The following CNTNAP2 variants were observed in gnomAD, a reference collection of about 807,000 sequenced individuals.
CNTNAP2 encodes contactin-associated protein-like 2.
Under a neutral mutation model 155.2 loss-of-function variants are expected in CNTNAP2, and 98 were observed. The ratio of observed to expected loss-of-function variants is 0.63; its 90% CI spans 0.54 to 0.75. The LOEUF (loss-of-function observed/expected upper bound fraction) is 0.75. Ranked by LOEUF, CNTNAP2 falls within the 30% of genes least tolerant of loss-of-function variation. The pLI, the probability that CNTNAP2 is intolerant of heterozygous loss-of-function variation, is 0.00. For missense variants in CNTNAP2, 1,727 were observed against 1,688.1 expected (o/e 1.02, Z -0.40); for synonymous variants, 651 against 631.2 (o/e 1.03, Z -0.47).
At chr7:147,488,190 A>C (rs1324817616) in intron 11 of CNTNAP2, among the ~76,000 whole-genome samples, 3 of 152,226 alleles carry the variant, frequency 2.0e-5, no homozygotes, top group Admixed American at 6.5e-5. Context: ...AGAAGATACA[A>C]TGTATGCCAT....
intron 14 of CNTNAP2, among the ~76,000 whole-genome samples, chr7:147,969,285 A>G (rs1801288134): frequency 6.6e-6 from 1 of 152,120 alleles, no homozygotes; most frequent in Non-Finnish European, 1.5e-5. Context: ...TCCTGAGCTC[A>G]AGTGATCCTC....
At chr7:147,996,928 G>A (rs778144512) in intron 15 of CNTNAP2, among the ~76,000 whole-genome samples, 2 of 152,148 alleles carry the variant, frequency 1.3e-5, no homozygotes, top group Non-Finnish European at 2.9e-5. Flanking sequence ...ATCAGGAGGT[G>A]GGGCTCTGGG....
intron 1 of CNTNAP2, among the ~76,000 whole-genome samples, chr7:146,526,545 A>G (rs893082895): frequency 3.9e-5 from 6 of 152,118 alleles, no homozygotes; most frequent in Non-Finnish European, 7.4e-5. Context: ...GGACAGCACC[A>G]AGGGGATGGT....
intron 1 of CNTNAP2, among the ~76,000 whole-genome samples, chr7:146,608,039 C>A (rs1020039366): frequency 9.2e-5 from 14 of 152,150 alleles, no homozygotes; most frequent in African/African-American, 3.4e-4. Context: ...AAACCCCTTG[C>A]AATGTTATCT....
chr7:147,281,283 A>C (rs774905154), intron 8 of CNTNAP2, among the ~76,000 whole-genome samples: 10 of 151,912 alleles, frequency 6.6e-5, no homozygotes, highest in Non-Finnish European at 1.3e-4. Context: ...AACATTGCTC[A>C]TAGATATCTC....
chr7:146,246,412 T>C (rs189951834), intron 1 of CNTNAP2, among the ~76,000 whole-genome samples: 1 of 150,264 alleles, frequency 6.7e-6, no homozygotes, highest in Non-Finnish European at 1.5e-5. Flanking sequence ...AAAAGAGTAT[T>C]GTCTAAGTTG....
At chr7:147,432,120 T>A (rs969627925) in intron 10 of CNTNAP2, among the ~76,000 whole-genome samples, 13 of 152,208 alleles carry the variant, frequency 8.5e-5, no homozygotes, top group African/African-American at 3.1e-4. Context: ...GAAAACTCTT[T>A]AAATTGTTAA....
chr7:147,375,047 C>A (rs112665708), intron 9 of CNTNAP2, among the ~76,000 whole-genome samples: 7,278 of 151,870 alleles, frequency 0.048, 605 homozygotes, highest in African/African-American at 0.17. Flanking sequence ...ATGGTTTTAT[C>A]AGTGGTGGTT....
intron 5 of CNTNAP2, among the ~76,000 whole-genome samples, chr7:147,118,548 C>T (rs775354973): frequency 3.3e-5 from 5 of 151,262 alleles, no homozygotes; most frequent in Non-Finnish European, 4.5e-5. Flanking sequence ...AATGGGGATG[C>T]GTTCTGAGAA....
chr7:146,133,947 G>A (rs1797757642), intron 1 of CNTNAP2, among the ~76,000 whole-genome samples: 2 of 151,298 alleles, frequency 1.3e-5, no homozygotes, highest in East Asian at 2.0e-4. Context: ...CCAATTCTGT[G>A]AAGAAAGGCA....
chr7:148,029,054 A>T (rs529845507), intron 15 of CNTNAP2, among the ~76,000 whole-genome samples: 1 of 152,306 alleles, frequency 6.6e-6, no homozygotes, highest in African/African-American at 2.4e-5. Flanking sequence ...TCAGGCAGCC[A>T]TTGAAAAAGA....
At chr7:147,296,754 G>T (rs556147182) in intron 8 of CNTNAP2, among the ~76,000 whole-genome samples, 42 of 152,252 alleles carry the variant, frequency 2.8e-4, no homozygotes, top group South Asian at 2.3e-3. Flanking sequence ...TGGGAGAGGG[G>T]AGGTGAGACA....
At chr7:146,702,699 A>G (rs555169942) in intron 1 of CNTNAP2, among the ~76,000 whole-genome samples, 92 of 152,278 alleles carry the variant, frequency 6.0e-4, no homozygotes, top group African/African-American at 2.1e-3. Context: ...TTAAACTTCA[A>G]TTATCTGGAA....
At chr7:147,811,062 C>A (rs1320414399) in intron 13 of CNTNAP2, among the ~76,000 whole-genome samples, 8 of 152,110 alleles carry the variant, frequency 5.3e-5, no homozygotes, top group African/African-American at 1.9e-4. Flanking sequence ...CTCCAGTTTT[C>A]AATAAAATGT....
chr7:146,370,040 C>A (rs1795210631), intron 1 of CNTNAP2, among the ~76,000 whole-genome samples: 1 of 151,824 alleles, frequency 6.6e-6, no homozygotes, highest in Non-Finnish European at 1.5e-5. Flanking sequence ...AGAGTTCTAA[C>A]TTTACTTTGA....
chr7:146,319,238 T>C (rs1233101032), intron 1 of CNTNAP2, among the ~76,000 whole-genome samples: 2 of 152,202 alleles, frequency 1.3e-5, no homozygotes, highest in African/African-American at 4.8e-5. Flanking sequence ...CTTCTCAGCA[T>C]GCATTTAATT....
At chr7:147,112,377 G>T (rs1331970959) in intron 5 of CNTNAP2, among the ~76,000 whole-genome samples, 1 of 152,038 alleles carries the variant, frequency 6.6e-6, no homozygotes, top group Non-Finnish European at 1.5e-5. Context: ...TCTCTTGTCT[G>T]ATTGCCCTGG....
At chr7:147,325,136 T>G (rs773840577) in intron 9 of CNTNAP2, among the ~76,000 whole-genome samples, 4 of 151,956 alleles carry the variant, frequency 2.6e-5, no homozygotes, top group Non-Finnish European at 4.4e-5. Context: ...AACTCTGTAC[T>G]AAAAATACAA....
intron 1 of CNTNAP2, among the ~76,000 whole-genome samples, chr7:146,334,496 A>T (rs754292827): frequency 4.3e-4 from 65 of 151,606 alleles, no homozygotes; most frequent in Non-Finnish European, 7.7e-4. Context: ...AGATTCTTAT[A>T]GAACTAAAAT....
Sources: allele counts gnomAD v4.1 joint callset (sites outside exome capture counted in the v4.1 genomes callset), GRCh38; gene constraint gnomAD v4.1.1; transcripts MANE v1.5; gene names NCBI Gene and HGNC (gene_info 2026-07-23, HGNC 2026-07-21).